FOXP2: variants seen among roughly 807,000 people sequenced by gnomAD.
The protein encoded by FOXP2 is forkhead box P2, also known as forkhead box protein P2.
FOXP2 carries 12 observed loss-of-function variants against 115.8 expected under a neutral mutation model. The observed-to-expected ratio is 0.10, with a 90% CI of 0.07 to 0.17. The LOEUF (loss-of-function observed/expected upper bound fraction) is 0.17. FOXP2 is among the 10% of genes least tolerant of loss of function. The pLI, the probability that FOXP2 is intolerant of heterozygous loss-of-function variation, is 1.00. For missense variants in FOXP2, 629 were observed against 843.5 expected, an observed-to-expected ratio of 0.75 and a Z score of 3.15; for synonymous variants, 328 against 297.7, an observed-to-expected ratio of 1.10 and a Z score of -1.05.
At chr7:114,598,222 C>A (rs1291017431) in intron 3 of FOXP2, among the ~76,000 whole-genome samples, 1 of 152,074 alleles carries the variant, frequency 6.6e-6, no homozygotes, top group East Asian at 1.9e-4. Context: ...ACAGGCAAAC[C>A]AATCCATCTT....
chr7:114,091,588 C>A (rs564639001), intron 1 of FOXP2, among the ~76,000 whole-genome samples: 2 of 151,786 alleles, frequency 1.3e-5, no homozygotes, highest in Non-Finnish European at 3.0e-5. Context: ...TATCTGTGCT[C>A]TAAAAGTACA....
chr7:114,688,509 A>G (rs1006661377), intron 16 of FOXP2, among the ~76,000 whole-genome samples: 2 of 152,310 alleles, frequency 1.3e-5, no homozygotes, highest in African/African-American at 4.8e-5. Context: ...TTTCTAATGC[A>G]AAAACTACTT....
chr7:114,598,651 G>A (rs1802851562), intron 3 of FOXP2, among the ~76,000 whole-genome samples: 2 of 152,154 alleles, frequency 1.3e-5, no homozygotes, highest in East Asian at 1.9e-4. Flanking sequence ...TAAGTGTACA[G>A]TTCAATAGTG....
intron 10 of FOXP2, among the ~76,000 whole-genome samples, chr7:114,657,494 C>T (rs140677747): frequency 3.9e-5 from 6 of 152,252 alleles, no homozygotes; most frequent in East Asian, 1.9e-4. Flanking sequence ...CAGCCTCCTC[C>T]GGCTAATTTG....
intron 10 of FOXP2, chr7:114,656,423 T>C (rs1456296238): frequency 2.4e-6 from 1 of 423,500 alleles, no homozygotes; most frequent in South Asian, 1.7e-5. Context: ...GTATATGTTC[T>C]GATGTTGATA....
chr7:114,668,488 C>G (rs549014392), intron 16 of FOXP2: 1 of 152,296 alleles, frequency 6.6e-6, no homozygotes, highest in Non-Finnish European at 1.5e-5. Flanking sequence ...CCCCTCTACT[C>G]TCTTACCTAA....
intron 1 of FOXP2, among the ~76,000 whole-genome samples, chr7:114,242,366 A>T (rs1410175207): frequency 1.3e-5 from 2 of 152,076 alleles, no homozygotes; most frequent in Non-Finnish European, 2.9e-5. Flanking sequence ...CCAATTGGGT[A>T]GTTCATAATT....
chr7:114,545,351 A>G (rs532429396), intron 3 of FOXP2, among the ~76,000 whole-genome samples: 1 of 152,336 alleles, frequency 6.6e-6, no homozygotes, highest in East Asian at 1.9e-4. Flanking sequence ...CTAATTAAAA[A>G]GGATTCTGAG....
intron 1 of FOXP2, among the ~76,000 whole-genome samples, chr7:114,193,521 T>C (rs1793820717): frequency 6.6e-6 from 1 of 151,994 alleles, no homozygotes; most frequent in African/African-American, 2.4e-5. Flanking sequence ...ATTATATTTA[T>C]ATTTGAATGG....
intron 1 of FOXP2, among the ~76,000 whole-genome samples, chr7:114,122,256 C>A (rs886197517): frequency 6.6e-6 from 1 of 152,048 alleles, no homozygotes; most frequent in Admixed American, 6.6e-5. Context: ...GAACAGAATG[C>A]AGTTGTTTAC....
At chr7:114,238,269 CTTT>C (rs34893739) in intron 1 of FOXP2, among the ~76,000 whole-genome samples, 1 of 149,956 alleles carries the variant, frequency 6.7e-6, no homozygotes, top group African/African-American at 2.5e-5. Context: ...GATTTTAACA[CTTT>C]TTTTTTTTCT....
At chr7:114,598,035 G>C (rs1298650374) in intron 3 of FOXP2, among the ~76,000 whole-genome samples, 2 of 152,028 alleles carry the variant, frequency 1.3e-5, no homozygotes, top group African/African-American at 4.8e-5. Context: ...CTACTAAATA[G>C]TTATGTTCAT....
At chr7:114,101,899 T>TTG (rs5886693) in intron 1 of FOXP2, among the ~76,000 whole-genome samples, 7,380 of 142,218 alleles carry the variant, frequency 0.052, 248 homozygotes, top group East Asian at 0.18. Flanking sequence ...CTTCAACATT[T>TTG]TGTGTGTGTG....
At chr7:114,250,873 A>G (rs1795424054) in intron 1 of FOXP2, among the ~76,000 whole-genome samples, 1 of 152,176 alleles carries the variant, frequency 6.6e-6, no homozygotes, top group Non-Finnish European at 1.5e-5. Context: ...GTCCTTGCCC[A>G]TGCCTATATC....
At chr7:114,378,839 T>C (rs1049891862) in intron 2 of FOXP2, among the ~76,000 whole-genome samples, 4 of 150,588 alleles carry the variant, frequency 2.7e-5, no homozygotes, top group African/African-American at 4.8e-5. Context: ...TTTTTTTTTT[T>C]CCAAATTGAT....
intron 2 of FOXP2, among the ~76,000 whole-genome samples, chr7:114,335,252 A>G (rs1797822330): frequency 6.6e-6 from 1 of 151,724 alleles, no homozygotes. Flanking sequence ...AGAATGGGGT[A>G]TAATGCCAGT....
chr7:114,212,119 T>TAAAATAAAATAAAATAA (rs1554431721), intron 1 of FOXP2, among the ~76,000 whole-genome samples: 2 of 48,298 alleles, frequency 4.1e-5, no homozygotes, highest in Non-Finnish European at 7.7e-5. Flanking sequence ...TAAAATAAAA[T>TAAAATAAAATAAAATAA]AAAATATATA....
intron 2 of FOXP2, among the ~76,000 whole-genome samples, chr7:114,458,510 A>G (rs1269376831): frequency 6.8e-6 from 1 of 147,572 alleles, no homozygotes; most frequent in Non-Finnish European, 1.5e-5. Context: ...AGTATTTCCA[A>G]TTGTTTACAG....
intron 14 of FOXP2, 138 bp from the exon 15 acceptor site, chr7:114,663,312 T>C: frequency 1.6e-6 from 1 of 637,022 alleles, no homozygotes; most frequent in Non-Finnish European, 2.8e-6. Flanking sequence ...TCTATTACCT[T>C]ATTTTTGTGG....
Sources: gnomAD v4.1 joint callset for allele counts (sites outside exome capture counted in the v4.1 genomes callset) on GRCh38, gnomAD v4.1.1 for gene constraint, MANE v1.5 for transcripts, NCBI Gene and HGNC (gene_info 2026-07-23, HGNC 2026-07-21) for gene names.